Variants in B3GALT5 observed in about 807,000 individuals in gnomAD.
B3GALT5 encodes beta-1,3-galactosyltransferase 5.
For synonymous variants in B3GALT5, 156 were observed against 158.6 expected (o/e 0.98, Z 0.12); for missense variants, 328 against 396.6 (o/e 0.83, Z 1.47).
chr21:39,613,679 C>T (rs1569203775), intron 1 of B3GALT5, among the ~76,000 whole-genome samples: 1 of 152,052 alleles, frequency 6.6e-6, no homozygotes, highest in African/African-American at 2.4e-5. Flanking sequence ...TGTGTGAGTG[C>T]GTGTGTGTGT....
chr21:39,650,353 T>C (rs1014090972), intron 2 of B3GALT5, among the ~76,000 whole-genome samples: 1 of 152,170 alleles, frequency 6.6e-6, no homozygotes, highest in Admixed American at 6.5e-5. Flanking sequence ...TGTTCCTGCC[T>C]TCACTGGTCA....
At chr21:39,641,988 T>G (rs1387394103) in intron 1 of B3GALT5, among the ~76,000 whole-genome samples, 2 of 152,238 alleles carry the variant, frequency 1.3e-5, no homozygotes, top group Admixed American at 6.5e-5. Flanking sequence ...GATCTCCATT[T>G]TACATATGAA....
intron 2 of B3GALT5, among the ~76,000 whole-genome samples, chr21:39,656,376 G>A (rs983049965): frequency 6.6e-6 from 1 of 152,074 alleles, no homozygotes; most frequent in Non-Finnish European, 1.5e-5. Context: ...GGGTTTCCTT[G>A]GTCTGGAATT....
chr21:39,617,416 C>A (rs1383212255), intron 1 of B3GALT5, among the ~76,000 whole-genome samples: 1 of 152,150 alleles, frequency 6.6e-6, no homozygotes, highest in Non-Finnish European at 1.5e-5. Context: ...AGGAAACTTA[C>A]AATCATGGCG....
intron 1 of B3GALT5, among the ~76,000 whole-genome samples, chr21:39,631,862 A>G (rs2079193926): frequency 6.6e-6 from 1 of 152,206 alleles, no homozygotes; most frequent in South Asian, 2.1e-4. Flanking sequence ...GGGAGATGTC[A>G]GGGAAATGTC....
At chr21:39,643,066 T>A (rs1322108928) in intron 1 of B3GALT5, among the ~76,000 whole-genome samples, 2 of 142,782 alleles carry the variant, frequency 1.4e-5, no homozygotes, top group Admixed American at 7.0e-5. Flanking sequence ...AAAAAAAAAT[T>A]TTTGTAAATG....
chr21:39,630,037 T>G (rs1198806537), intron 1 of B3GALT5, among the ~76,000 whole-genome samples: 1 of 152,218 alleles, frequency 6.6e-6, no homozygotes, highest in East Asian at 1.9e-4. Flanking sequence ...CTCAATAAAA[T>G]TTTTAGAGTA....
intron 2 of B3GALT5, among the ~76,000 whole-genome samples, chr21:39,650,627 G>A (rs985112139): frequency 6.6e-6 from 1 of 152,164 alleles, no homozygotes; most frequent in Non-Finnish European, 1.5e-5. Flanking sequence ...CCTGCGTGCA[G>A]ATGCCAGCGC....
rs768014589 is a variant in B3GALT5 at position 39,665,590 on chromosome 21, C to G, written c.*4098C>G. 6.6e-6 allele frequency: 1 copy of G among 152,328 alleles called. No individual in the cohort carries two copies. Among genetic ancestry groups the G allele is most frequent in the African/African-American group, 2.4e-5 (1 of 41,444 alleles). The allele number at this position is 152,328 out of a possible 1,614,324, so 9.4% of individuals were successfully genotyped here. ...TGTTCCAGCCACAGCAGCCCCTTTG[C>G]CCTATGTGCCCATCCCCGTCAGCCT... On this transcript the variant is annotated 3_prime_UTR_variant, in exon 4 of 4. Transcript: ENST00000684187.
rs2079568991 is a variant in B3GALT5, at chr21:39,665,270, C to T, written c.*3778C>T. 6.6e-6 allele frequency: 1 copy of T among 152,274 alleles called. No homozygotes were observed. Among genetic ancestry groups the T allele is most frequent in the African/African-American group, 2.4e-5 (1 of 41,424 alleles). The allele number at this position is 152,274 out of a possible 1,614,324, so 9.4% of individuals were successfully genotyped here. ...CTCCAGGAGCCAACCACCTCCTGCC[C>T]CTCCACTGCGACCACCCTTGTTCAA... On this transcript the variant is annotated 3_prime_UTR_variant, in exon 4 of 4. Transcript: ENST00000684187.
rs530291378 is a variant in B3GALT5, at chr21:39,668,603, T to G, written c.*7111T>G. ...GCTCTGAATCAATGCGAGTGAGATATGCATGCGGGAGGGACAAGCTTGCAT... is the reference window on the plus strand; with the variant it reads ...GCTCTGAATCAATGCGAGTGAGATAGGCATGCGGGAGGGACAAGCTTGCAT... On this transcript the variant is annotated 3_prime_UTR_variant, in exon 4 of 4. Coordinates refer to ENST00000684187, the MANE Select transcript of B3GALT5 (RefSeq NM_001356336.2). 6.6e-6 allele frequency: 1 copy of G among 152,260 alleles called. No homozygotes were observed. The highest frequency in any genetic ancestry group is 2.4e-5 in the African/African-American group (1 of 41,544). 9.4% of individuals were successfully genotyped at this position (152,260 alleles called of 1,614,324 possible).
At chr21:39,636,455 G>C (rs2079228301) in intron 1 of B3GALT5, among the ~76,000 whole-genome samples, 1 of 152,104 alleles carries the variant, frequency 6.6e-6, no homozygotes, top group Non-Finnish European at 1.5e-5. Context: ...GCCTTTCCTT[G>C]TTGTTGCTTC....
At chr21:39,656,088 C>T (rs1000126124) in intron 2 of B3GALT5, among the ~76,000 whole-genome samples, 3 of 152,170 alleles carry the variant, frequency 2.0e-5, no homozygotes, top group Admixed American at 6.5e-5. Flanking sequence ...ATATAGATTC[C>T]TGGGCCCCAG....
intron 2 of B3GALT5, among the ~76,000 whole-genome samples, chr21:39,648,328 C>T (rs2079361294): frequency 6.6e-6 from 1 of 152,088 alleles, no homozygotes; most frequent in Admixed American, 6.5e-5. Flanking sequence ...AGAGCTTCAG[C>T]AGGCGGTAGA....
chr21:39,638,061 G>A (rs559334280), intron 1 of B3GALT5, among the ~76,000 whole-genome samples: 20 of 152,258 alleles, frequency 1.3e-4, no homozygotes, highest in South Asian at 2.1e-4. Flanking sequence ...TGTTTGATAC[G>A]GAAGAGGGGA....
chr21:39,668,321 T>A lies in B3GALT5; in HGVS notation c.*6829T>A, dbSNP rs2146232552. The A allele has an allele frequency of 6.6e-6, 1 of 152,330 alleles. No individual in the cohort carries two copies. 9.4% of individuals were successfully genotyped at this position (152,330 alleles called of 1,614,324 possible). ...CAGGCCAGCCTCTGTGACCTGAGAC[T>A]CCAAGACCACCATTGCAGACCCAGG... is the stretch of plus-strand genomic sequence containing the variant. On this transcript the variant is annotated 3_prime_UTR_variant, in exon 4 of 4. Transcript: ENST00000684187.
chr21:39,648,140 A>G (rs2146206376), intron 2 of B3GALT5, among the ~76,000 whole-genome samples: 1 of 152,356 alleles, frequency 6.6e-6, no homozygotes, highest in Non-Finnish European at 1.5e-5. Flanking sequence ...TCTATAGACA[A>G]CATATTTGAC....
rs146088205 is a variant in B3GALT5 at position 39,660,570 on chromosome 21, C to T, written c.11C>T (p.Pro4Leu). 64 of 1,415,602 alleles carry T rather than the reference C, an allele frequency of 4.5e-5. No homozygotes were observed. The highest frequency in any genetic ancestry group is 1.1e-4 in the African/African-American group (8 of 69,568). The allele number at this position is 1,415,602 out of a possible 1,614,324, so 87.7% of individuals were successfully genotyped here. The change falls in exon 4 of 4, where the codon CCG (proline) becomes CTG (leucine). Residue 4 changes from proline (P) to leucine (L), a missense_variant. Coordinates refer to ENST00000684187, the MANE Select transcript of B3GALT5 (RefSeq NM_001356336.2). ...TTTTGTTCCTTTCAGATGGCTTTCC[C>T]GAAGATGAGATTGATGTATATTTGC... MAF[P>L]KMRLMYICLL...
chr21:39,636,723 C>G (rs993909734), intron 1 of B3GALT5, among the ~76,000 whole-genome samples: 6 of 152,136 alleles, frequency 3.9e-5, no homozygotes, highest in Non-Finnish European at 7.3e-5. Context: ...GGAAAGGATC[C>G]TGTGATCACT....
Sources: allele counts gnomAD v4.1 joint callset (sites outside exome capture counted in the v4.1 genomes callset), GRCh38; gene constraint gnomAD v4.1.1; transcripts MANE v1.5; gene names NCBI Gene and HGNC (gene_info 2026-07-23, HGNC 2026-07-21).